GABRG3: variants seen among roughly 807,000 people sequenced by gnomAD.
The protein encoded by GABRG3 is gamma-aminobutyric acid receptor subunit gamma-3.
Under a neutral mutation model 48.8 loss-of-function variants are expected in GABRG3, and 25 were observed. The observed-to-expected ratio is 0.51, with a 90% CI of 0.37 to 0.72. The LOEUF is 0.72. Among genes scored for constraint, GABRG3 ranks in the 30% least tolerant of loss-of-function variants. GABRG3 has a pLI of 0.00. For synonymous variants in GABRG3, 227 were observed against 217.6 expected (o/e 1.04, Z -0.38); for missense variants, 394 against 577.9 (o/e 0.68, Z 3.26).
intron 5 of GABRG3, chr15:27,350,442 G>T (rs1894525046): frequency 3.1e-6 from 1 of 324,572 alleles, no homozygotes; most frequent in Non-Finnish European, 6.1e-6. Flanking sequence ...ATGGATATCA[G>T]TAAATAAAAA....
intron 3 of GABRG3, among the ~76,000 whole-genome samples, chr15:27,187,612 A>C (rs965902918): frequency 6.6e-6 from 1 of 151,924 alleles, no homozygotes; most frequent in Non-Finnish European, 1.5e-5. Flanking sequence ...CTCCTTGTAG[A>C]GCTCTATTAC....
chr15:27,328,669 C>T, intron 4 of GABRG3, 137 bp from the exon 5 acceptor site: 1 of 658,472 alleles, frequency 1.5e-6, no homozygotes. Context: ...TGAATGGTTC[C>T]CGGGCCAAGA....
chr15:27,085,875 A>G (rs750519134), intron 3 of GABRG3, among the ~76,000 whole-genome samples: 8 of 152,222 alleles, frequency 5.3e-5, no homozygotes, highest in Non-Finnish European at 1.2e-4. Flanking sequence ...ATCTACAATG[A>G]TCATCTATGC....
At chr15:27,287,149 A>G (rs1222293577) in intron 3 of GABRG3, among the ~76,000 whole-genome samples, 6 of 152,200 alleles carry the variant, frequency 3.9e-5, no homozygotes, top group Non-Finnish European at 7.3e-5. Context: ...GAATGTGCCT[A>G]TGTATCCTTC....
At chr15:27,086,909 T>C (rs1056884378) in intron 3 of GABRG3, among the ~76,000 whole-genome samples, 3 of 152,218 alleles carry the variant, frequency 2.0e-5, no homozygotes, top group African/African-American at 7.2e-5. Flanking sequence ...TTTCCATAGC[T>C]GGATGCAGGA....
chr15:27,072,270 C>A (rs1896841333), intron 3 of GABRG3, among the ~76,000 whole-genome samples: 1 of 152,098 alleles, frequency 6.6e-6, no homozygotes, highest in African/African-American at 2.4e-5. Context: ...GTCCCCAGTC[C>A]ACTCGGTAAC....
chr15:27,148,635 T>C (rs1898254217), intron 3 of GABRG3, among the ~76,000 whole-genome samples: 1 of 151,958 alleles, frequency 6.6e-6, no homozygotes, highest in South Asian at 2.1e-4. Context: ...TCCAGCAACA[T>C]ATAATATGAT....
intron 3 of GABRG3, among the ~76,000 whole-genome samples, chr15:27,213,244 C>T (rs745334972): frequency 1.3e-5 from 2 of 152,214 alleles, no homozygotes; most frequent in Non-Finnish European, 2.9e-5. Flanking sequence ...TAGTGAGAGG[C>T]TTCACATAAT....
intron 3 of GABRG3, among the ~76,000 whole-genome samples, chr15:27,074,190 CCCT>C (rs1896872268): frequency 6.6e-6 from 1 of 152,086 alleles, no homozygotes; most frequent in Admixed American, 6.5e-5. Context: ...GCCACTGGGT[CCCT>C]CCCACAACAC....
chr15:27,408,386 A>G (rs1887700658), intron 5 of GABRG3, among the ~76,000 whole-genome samples: 1 of 152,186 alleles, frequency 6.6e-6, no homozygotes, highest in Non-Finnish European at 1.5e-5. Flanking sequence ...ATTAATGAAA[A>G]GCCAGTGATC....
intron 5 of GABRG3, among the ~76,000 whole-genome samples, chr15:27,331,547 C>T (rs1027859914): frequency 8.5e-5 from 13 of 152,118 alleles, no homozygotes; most frequent in Admixed American, 1.3e-4. Context: ...GGCAAAACTG[C>T]GGAAACAATA....
chr15:27,341,363 A>G (rs1236878883), intron 5 of GABRG3, among the ~76,000 whole-genome samples: 1 of 152,132 alleles, frequency 6.6e-6, no homozygotes, highest in African/African-American at 2.4e-5. Flanking sequence ...TGATGCATGT[A>G]TTCACTCAAA....
At chr15:27,215,008 C>G (rs1280487192) in intron 3 of GABRG3, among the ~76,000 whole-genome samples, 1 of 152,232 alleles carries the variant, frequency 6.6e-6, no homozygotes, top group Non-Finnish European at 1.5e-5. Context: ...AATGCACACA[C>G]ACTACGAGGA....
rs960022741 is a variant in GABRG3, at chr15:26,974,940, C to A, written c.54-2062C>A. Among the ~76,000 whole-genome samples the A allele has an allele frequency of 6.6e-6, 1 of 150,852 alleles. No individual in the cohort carries two copies. Among genetic ancestry groups the A allele is most frequent in the Admixed American group, 6.6e-5 (1 of 15,134 alleles). Reference sequence around the variant, plus strand: ...CCAGGCTGGAGTGCAGTGACACTATCTCGGCTCACTGCAACCTCTGCCTCC... The same window carrying A: ...CCAGGCTGGAGTGCAGTGACACTATATCGGCTCACTGCAACCTCTGCCTCC... On this transcript the variant is annotated intron_variant, in intron 1 of 9. Coordinates refer to ENST00000615808, the MANE Select transcript of GABRG3 (RefSeq NM_033223.5). This position sits in a 1 kb window ranked among gnomAD's most constrained non-coding sequence, Gnocchi z 4.3.
intron 3 of GABRG3, among the ~76,000 whole-genome samples, chr15:27,133,040 C>T (rs576278950): frequency 4.5e-4 from 69 of 151,842 alleles, no homozygotes; most frequent in African/African-American, 1.5e-3. Flanking sequence ...ATTTCTCTTA[C>T]GATATTGTTT....
At chr15:27,090,160 G>A (rs978937209) in intron 3 of GABRG3, among the ~76,000 whole-genome samples, 1 of 152,050 alleles carries the variant, frequency 6.6e-6, no homozygotes, top group Non-Finnish European at 1.5e-5. Flanking sequence ...TAACCATACT[G>A]TTTTTCACTT....
At chr15:27,324,918 T>A (rs1893555227) in intron 3 of GABRG3, among the ~76,000 whole-genome samples, 2 of 136,574 alleles carry the variant, frequency 1.5e-5, no homozygotes, top group Admixed American at 1.4e-4. Flanking sequence ...ATTTGCATAA[T>A]TAAAGAGGTT....
At chr15:27,093,644 T>TA (rs965747019) in intron 3 of GABRG3, among the ~76,000 whole-genome samples, 5 of 152,148 alleles carry the variant, frequency 3.3e-5, no homozygotes, top group African/African-American at 1.2e-4. Context: ...TTTTTATTTT[T>TA]AAAAATTTTA....
chr15:27,044,667 G>T (rs761358519), intron 3 of GABRG3, among the ~76,000 whole-genome samples: 1 of 152,196 alleles, frequency 6.6e-6, no homozygotes, highest in Admixed American at 6.5e-5. Flanking sequence ...AAGGGGGCAG[G>T]CCCTAGAATC....
Sources: gnomAD v4.1 joint callset for allele counts (sites outside exome capture counted in the v4.1 genomes callset) on GRCh38, gnomAD v4.1.1 for gene constraint, Gnocchi (gnomAD v3.1) non-coding constraint, MANE v1.5 for transcripts, NCBI Gene and HGNC (gene_info 2026-07-23, HGNC 2026-07-21) for gene names.